INPP5F: variants seen among roughly 807,000 people sequenced by gnomAD.
The protein encoded by INPP5F is inositol polyphosphate-5-phosphatase F.
Under a neutral mutation model 137.2 loss-of-function variants are expected in INPP5F, and 97 were observed. The ratio of observed to expected loss-of-function variants is 0.71; its 90% CI spans 0.60 to 0.84. INPP5F has a LOEUF of 0.84. Ranked by LOEUF, INPP5F falls within the 40% of genes least tolerant of loss-of-function variation. The pLI, the probability that INPP5F is intolerant of heterozygous loss-of-function variation, is 0.00. For synonymous variants in INPP5F, 504 were observed against 476.9 expected (o/e 1.06, Z -0.74); for missense variants, 1,271 against 1,371.9 (o/e 0.93, Z 1.16).
chr10:119,773,950 T>C (rs978695251), intron 2 of INPP5F, among the ~76,000 whole-genome samples: 2 of 152,162 alleles, frequency 1.3e-5, no homozygotes, highest in East Asian at 1.9e-4. Context: ...ATTTAGTCTT[T>C]CAAGTGAAAT....
intron 1 of INPP5F, among the ~76,000 whole-genome samples, chr10:119,739,958 A>G (rs557326274): frequency 1.1e-3 from 161 of 152,236 alleles, no homozygotes; most frequent in African/African-American, 3.6e-3. Context: ...AACTGTTTAC[A>G]TTTATTGTAA....
At chr10:119,799,230 G>T (rs1054389616) in intron 9 of INPP5F, 2 of 342,258 alleles carry the variant, frequency 5.8e-6, no homozygotes, top group Non-Finnish European at 1.2e-5. Context: ...TAGTAATTCT[G>T]TTATCCATTA....
chr10:119,747,229 A>ATTTTTTTTTTTTTTTTTT (rs1051492141), intron 1 of INPP5F, among the ~76,000 whole-genome samples: 1 of 146,188 alleles, frequency 6.8e-6, no homozygotes, highest in African/African-American at 2.5e-5. Context: ...AAAATTATTA[A>ATTTTTTTTTTTTTTTTTT]TTTTTTTTTT....
chr10:119,790,881 C>T (rs76929646), intron 3 of INPP5F, among the ~76,000 whole-genome samples: 2,015 of 152,342 alleles, frequency 0.013, 64 homozygotes, highest in African/African-American at 0.046. Flanking sequence ...CACGCTCCCA[C>T]GCCCTTCCTT....
intron 2 of INPP5F, among the ~76,000 whole-genome samples, chr10:119,761,614 G>A (rs931542190): frequency 5.4e-5 from 8 of 146,954 alleles, no homozygotes; most frequent in African/African-American, 2.0e-4. Context: ...GGCTTTAAAT[G>A]TAAAACAGAA....
At chr10:119,745,567 GA>G (rs1318980939) in intron 1 of INPP5F, among the ~76,000 whole-genome samples, 1 of 120,934 alleles carries the variant, frequency 8.3e-6, no homozygotes, top group African/African-American at 3.2e-5. Context: ...CTGAACGACT[GA>G]AAACACGATT....
chr10:119,790,437 G>A (rs978808495), intron 3 of INPP5F, among the ~76,000 whole-genome samples: 4 of 152,132 alleles, frequency 2.6e-5, no homozygotes, highest in Non-Finnish European at 5.9e-5. Flanking sequence ...AACCTGTGTG[G>A]ACAGTTTTTG....
chr10:119,761,236 T>C (rs1848999882), intron 2 of INPP5F, among the ~76,000 whole-genome samples: 1 of 152,226 alleles, frequency 6.6e-6, no homozygotes, highest in Admixed American at 6.5e-5. Context: ...TAAAAATGTC[T>C]CTTGCTCTAG....
At chr10:119,806,738 T>C (rs1850806535) in intron 12 of INPP5F, among the ~76,000 whole-genome samples, 1 of 152,052 alleles carries the variant, frequency 6.6e-6, no homozygotes, top group Admixed American at 6.6e-5. Flanking sequence ...CATTGTGTGG[T>C]CATTTACCTT....
At chr10:119,785,573 AGAGAGACT>A (rs1470551360) in intron 3 of INPP5F, among the ~76,000 whole-genome samples, 67 of 151,280 alleles carry the variant, frequency 4.4e-4, no homozygotes, top group African/African-American at 1.6e-3. Context: ...AGAGAGAGAG[AGAGAGACT>A]GAGACTGACT....
At chr10:119,788,290 A>C (rs1476060642) in intron 3 of INPP5F, among the ~76,000 whole-genome samples, 4 of 152,152 alleles carry the variant, frequency 2.6e-5, no homozygotes, top group Non-Finnish European at 5.9e-5. Flanking sequence ...GAGTGGAGTT[A>C]GCAAAGGTAG....
chr10:119,802,530 G>A (rs1850629358), intron 9 of INPP5F, among the ~76,000 whole-genome samples: 2 of 152,264 alleles, frequency 1.3e-5, no homozygotes. Flanking sequence ...TTGTGCAGCT[G>A]TTTTCATTTA....
At chr10:119,790,552 T>C (rs757923388) in intron 3 of INPP5F, among the ~76,000 whole-genome samples, 17 of 152,056 alleles carry the variant, frequency 1.1e-4, no homozygotes, top group Non-Finnish European at 2.1e-4. Context: ...AAAACAGGGA[T>C]TCTCTCTCTC....
intron 2 of INPP5F, among the ~76,000 whole-genome samples, chr10:119,753,338 G>A (rs1394776217): frequency 6.6e-6 from 1 of 152,218 alleles, no homozygotes; most frequent in African/African-American, 2.4e-5. Context: ...TATAGGAGAA[G>A]CTGCCTAACA....
intron 2 of INPP5F, among the ~76,000 whole-genome samples, chr10:119,774,679 A>G (rs958466321): frequency 6.6e-6 from 1 of 152,054 alleles, no homozygotes; most frequent in Non-Finnish European, 1.5e-5. Context: ...TGCTAATGTT[A>G]TGATACCTTT....
At chr10:119,731,402 G>A (rs1380262746) in intron 1 of INPP5F, among the ~76,000 whole-genome samples, 2 of 151,904 alleles carry the variant, frequency 1.3e-5, no homozygotes, top group Admixed American at 6.6e-5. Flanking sequence ...GGTGGCTCGC[G>A]CCTGTAATCC....
At chr10:119,766,962 A>G (rs1849183341) in intron 2 of INPP5F, among the ~76,000 whole-genome samples, 1 of 151,902 alleles carries the variant, frequency 6.6e-6, no homozygotes, top group South Asian at 2.1e-4. Context: ...AAAATTAGCC[A>G]GGCGTGGTGA....
At chr10:119,807,864 G>A in intron 12 of INPP5F, 68 bp from the exon 13 acceptor site, 1 of 1,428,750 alleles carries the variant, frequency 7.0e-7, no homozygotes, top group South Asian at 1.4e-5. Context: ...TCCTTTTTCT[G>A]CAGTACACAT....
rs767236598 is a variant in INPP5F at position 119,827,403 on chromosome 10, C to G, written c.3022C>G (p.Pro1008Ala). The G allele has an allele frequency of 1.6e-5, 26 of 1,614,068 alleles. No homozygotes were observed. The Admixed American group carries it at 4.3e-4, about 27-fold the overall frequency. Residue 1008 changes from proline to alanine, a missense_variant, in exon 20 of 20, where the codon CCT (proline) becomes GCT (alanine). Pro to Ala is a conservative substitution (Grantham distance 27, BLOSUM62 -1). Coordinates refer to ENST00000650623, the MANE Select transcript of INPP5F (RefSeq NM_014937.4). ...CCAATCAGAATCAACAGAACAGACA[C>G]CTTCTCGGCCATCGCAATTAGATGT... ...ETQSESTEQT[P>A]SRPSQLDVSL...
Sources: allele counts gnomAD v4.1 joint callset (sites outside exome capture counted in the v4.1 genomes callset), GRCh38; gene constraint gnomAD v4.1.1; transcripts MANE v1.5; gene names NCBI Gene and HGNC (gene_info 2026-07-23, HGNC 2026-07-21).